PKNOX2: variants seen among roughly 807,000 people sequenced by gnomAD.
PKNOX2 encodes homeobox protein PKNOX2.
A neutral mutation model predicts 53.1 loss-of-function variants in PKNOX2; 14 were observed. The ratio of observed to expected loss-of-function variants is 0.26; its 90% CI spans 0.17 to 0.41. The LOEUF is 0.41. Among genes scored for constraint, PKNOX2 ranks in the 10% least tolerant of loss-of-function variants. The pLI is 1.00. For missense variants in PKNOX2, 496 were observed against 602.8 expected, an observed-to-expected ratio of 0.82 and a Z score of 1.85; for synonymous variants, 257 against 242.8, an observed-to-expected ratio of 1.06 and a Z score of -0.54.
At chr11:125,397,779 G>C (rs1482406322) in intron 6 of PKNOX2, 95 bp from the exon 7 acceptor site, 1 of 1,286,184 alleles carries the variant, frequency 7.8e-7, no homozygotes, top group Non-Finnish European at 1.1e-6. Context: ...GCAGGGGGTG[G>C]GCTCCCCTCC....
At chr11:125,267,224 A>G (rs557635214) in intron 2 of PKNOX2, among the ~76,000 whole-genome samples, 1 of 152,298 alleles carries the variant, frequency 6.6e-6, no homozygotes, top group African/African-American at 2.4e-5. Flanking sequence ...AGCTGGAACG[A>G]CAGTTCTACC....
chr11:125,384,779 C>G lies in PKNOX2; in HGVS notation c.228-772C>G, dbSNP rs538887555. Among the ~76,000 whole-genome samples the G allele has an allele frequency of 7.2e-5, 11 of 152,258 alleles. No individual in the cohort carries two copies. The East Asian group carries it at 1.9e-3, about 27-fold the overall frequency. The stretch of plus-strand genomic sequence containing the variant: ...CCCCCGCCCCGACCACCACACATAC[C>G]CTCTTCACTCATTGATTCCTTCATT... On this transcript the variant is annotated intron_variant, in intron 5 of 12. Transcript: ENST00000298282.
At chr11:125,334,898 C>G (rs1950349311) in intron 3 of PKNOX2, among the ~76,000 whole-genome samples, 1 of 152,140 alleles carries the variant, frequency 6.6e-6, no homozygotes, top group South Asian at 2.1e-4. Context: ...GCCACTGCGC[C>G]CAGACACTTA....
chr11:125,250,199 T>A (rs951727623), intron 2 of PKNOX2, among the ~76,000 whole-genome samples: 8 of 151,668 alleles, frequency 5.3e-5, no homozygotes, highest in African/African-American at 1.9e-4. Context: ...TACAGGTGCA[T>A]GCCACCATGC....
intron 4 of PKNOX2, among the ~76,000 whole-genome samples, chr11:125,356,666 G>A (rs1478783455): frequency 6.6e-6 from 1 of 152,204 alleles, no homozygotes; most frequent in Non-Finnish European, 1.5e-5. Context: ...CAGCCACACT[G>A]AGGAAGCCAG....
intron 1 of PKNOX2, among the ~76,000 whole-genome samples, chr11:125,187,117 T>C (rs1956496005): frequency 6.6e-6 from 1 of 152,218 alleles, no homozygotes. Flanking sequence ...TACTGTAGAT[T>C]TACAGTAAAA....
At chr11:125,178,309 C>T (rs756345740) in intron 1 of PKNOX2, among the ~76,000 whole-genome samples, 2 of 151,642 alleles carry the variant, frequency 1.3e-5, no homozygotes, top group East Asian at 2.0e-4. Flanking sequence ...GTTGGGAGAT[C>T]GAGACCAGCC....
chr11:125,426,549 A>G (rs1239940254), intron 10 of PKNOX2, among the ~76,000 whole-genome samples: 4 of 151,148 alleles, frequency 2.6e-5, no homozygotes, highest in Non-Finnish European at 5.9e-5. Context: ...GTGCTAGTTC[A>G]TTCCTCAGTT....
intron 4 of PKNOX2, among the ~76,000 whole-genome samples, chr11:125,355,191 C>T (rs965543716): frequency 4.7e-5 from 7 of 149,836 alleles, no homozygotes; most frequent in African/African-American, 7.4e-5. Context: ...GGCTTGAACC[C>T]GGGAGGCGGA....
At chr11:125,178,637 A>AAG (rs1955907638) in intron 1 of PKNOX2, among the ~76,000 whole-genome samples, 3 of 70,900 alleles carry the variant, frequency 4.2e-5, no homozygotes, top group African/African-American at 9.3e-5. Flanking sequence ...AAAGAAAGAA[A>AAG]GAAAGAAAGA....
At chr11:125,397,787 TC>T in intron 6 of PKNOX2, 86 bp from the exon 7 acceptor site, 1 of 1,342,614 alleles carries the variant, frequency 7.4e-7, no homozygotes, top group Non-Finnish European at 1.0e-6. Context: ...TGGGCTCCCC[TC>T]CCCTGGGGTG....
At chr11:125,304,474 A>C (rs772601030) in intron 2 of PKNOX2, among the ~76,000 whole-genome samples, 6 of 152,224 alleles carry the variant, frequency 3.9e-5, no homozygotes, top group Non-Finnish European at 7.3e-5. Context: ...CCTGAGAGGC[A>C]CGGGAAGGGG....
intron 3 of PKNOX2, among the ~76,000 whole-genome samples, chr11:125,344,613 C>T (rs1168491706): frequency 6.6e-6 from 1 of 152,206 alleles, no homozygotes; most frequent in Non-Finnish European, 1.5e-5. Context: ...CATGACCTGG[C>T]ACCACCTCCC....
At chr11:125,365,544 A>G (rs754726236) in intron 4 of PKNOX2, among the ~76,000 whole-genome samples, 9 of 152,200 alleles carry the variant, frequency 5.9e-5, no homozygotes, top group Non-Finnish European at 1.3e-4. Flanking sequence ...CCCCTTGCCA[A>G]AATCTGTAAA....
intron 1 of PKNOX2, among the ~76,000 whole-genome samples, chr11:125,223,235 C>CT (rs113417834): frequency 0.032 from 4,684 of 145,266 alleles, 201 homozygotes; most frequent in African/African-American, 0.1. Flanking sequence ...TCTTTTAGTC[C>CT]TTTTTTTTTT....
intron 4 of PKNOX2, among the ~76,000 whole-genome samples, chr11:125,356,960 C>T (rs1331997706): frequency 6.6e-6 from 1 of 152,274 alleles, no homozygotes; most frequent in Non-Finnish European, 1.5e-5. Context: ...GAGCCCCCTG[C>T]CTTGCAGGGC....
chr11:125,396,698 C>T (rs574688084), intron 6 of PKNOX2, among the ~76,000 whole-genome samples: 1 of 151,796 alleles, frequency 6.6e-6, no homozygotes, highest in Non-Finnish European at 1.5e-5. Flanking sequence ...AAGTATGGCA[C>T]ACACATGAAA....
In PKNOX2 at chr11:125,269,289, C is replaced by T. The variant is rs145957884; in HGVS notation, c.-130+34174C>T. ...CCTAGGCCCAGCCCCAAAGTGAGAC[C>T]GCAGGTATTCATCATCCTGATGGAA... On this transcript the variant is annotated intron_variant, in intron 2 of 12. Transcript: ENST00000298282. Among the ~76,000 whole-genome samples, 1,156 of 152,146 alleles carry T rather than the reference C, an allele frequency of 7.6e-3. 30 individuals are homozygous for T. The highest frequency in any genetic ancestry group is 0.026 in the African/African-American group (1,099 of 41,498).
At chr11:125,251,307 TC>T (rs1565479687) in intron 2 of PKNOX2, among the ~76,000 whole-genome samples, 1 of 152,212 alleles carries the variant, frequency 6.6e-6, no homozygotes. Flanking sequence ...TCTCCCCGCT[TC>T]CTTGTAATTG....
Sources: allele counts gnomAD v4.1 joint callset (sites outside exome capture counted in the v4.1 genomes callset), GRCh38; gene constraint gnomAD v4.1.1; transcripts MANE v1.5; gene names NCBI Gene and HGNC (gene_info 2026-07-23, HGNC 2026-07-21).